Variants in PLPPR1 observed in about 807,000 individuals in gnomAD.
PLPPR1 encodes phospholipid phosphatase-related protein type 1.
Under a neutral mutation model 33.1 loss-of-function variants are expected in PLPPR1, and 10 were observed. The ratio of observed to expected loss-of-function variants is 0.30; its 90% CI spans 0.19 to 0.51. PLPPR1 has a LOEUF of 0.51. PLPPR1 is among the 20% of genes least tolerant of loss of function. The pLI is 0.97. For synonymous variants in PLPPR1, 151 were observed against 151.0 expected (o/e 1.00, Z 0.00); for missense variants, 304 against 408.1 (o/e 0.74, Z 2.20).
chr9:101,064,266 C>A (rs1370336148), intron 1 of PLPPR1, among the ~76,000 whole-genome samples: 1 of 152,026 alleles, frequency 6.6e-6, no homozygotes, highest in African/African-American at 2.4e-5. Flanking sequence ...AATTTTATCA[C>A]CTCATGGATT....
intron 1 of PLPPR1, chr9:101,125,842 T>C (rs1200133666): frequency 8.6e-6 from 5 of 580,490 alleles, no homozygotes; most frequent in African/African-American, 1.9e-5. Flanking sequence ...TTTCCACCAA[T>C]GTAGTAGGAG....
intron 4 of PLPPR1, among the ~76,000 whole-genome samples, chr9:101,295,781 C>T (rs1338244719): frequency 6.6e-6 from 1 of 152,078 alleles, no homozygotes; most frequent in Non-Finnish European, 1.5e-5. Flanking sequence ...CCCTTCCTTA[C>T]ACCTTATACG....
chr9:101,323,835 G>A (rs1046508774), intron 7 of PLPPR1, among the ~76,000 whole-genome samples, 190 bp from the exon 8 acceptor site: 15 of 152,000 alleles, frequency 9.9e-5, no homozygotes, highest in African/African-American at 2.4e-4. Flanking sequence ...GTGAAACTCC[G>A]TCTCAAAAAA....
At chr9:101,227,568 T>C (rs1274055007) in intron 2 of PLPPR1, among the ~76,000 whole-genome samples, 2 of 152,168 alleles carry the variant, frequency 1.3e-5, no homozygotes, top group South Asian at 4.1e-4. Context: ...TTGCAAAAAG[T>C]TTCTCCCATT....
chr9:101,062,973 T>A (rs1487604966), intron 1 of PLPPR1, among the ~76,000 whole-genome samples: 2 of 152,050 alleles, frequency 1.3e-5, no homozygotes, highest in African/African-American at 4.8e-5. Flanking sequence ...GGGAATGGGC[T>A]TGGCTTGATA....
intron 1 of PLPPR1, among the ~76,000 whole-genome samples, chr9:101,163,627 A>G (rs1825801915): frequency 6.6e-6 from 1 of 152,188 alleles, no homozygotes; most frequent in African/African-American, 2.4e-5. Context: ...GCTGAAGCAC[A>G]GGTTGTTTAA....
intron 2 of PLPPR1, among the ~76,000 whole-genome samples, chr9:101,209,538 A>C (rs1265034236): frequency 2.6e-5 from 4 of 152,196 alleles, no homozygotes; most frequent in Admixed American, 6.5e-5. Flanking sequence ...TTCCCTTTAT[A>C]AAGCCCCCTT....
rs529986355 is a variant in PLPPR1 at position 101,261,127 on chromosome 9, G to A, written c.64-8753G>A. On this transcript the variant is annotated intron_variant, in intron 2 of 7. Coordinates refer to ENST00000374874, the MANE Select transcript of PLPPR1 (RefSeq NM_207299.2). The stretch of plus-strand genomic sequence containing the variant: ...TCAGTGTAAAAAGAACAGTTAAATG[G>A]CTCCAGAGGTTCAGATTGAGGTAAC... Among the ~76,000 whole-genome samples the A allele has an allele frequency of 7.2e-5, 11 of 152,202 alleles. No homozygotes were observed. The South Asian group carries it at 2.3e-3, about 32-fold the overall frequency.
chr9:101,266,233 C>G lies in PLPPR1; in HGVS notation c.64-3647C>G, dbSNP rs529912379. Among the ~76,000 whole-genome samples the G allele has an allele frequency of 1.1e-3, 168 of 151,842 alleles. 1 individual carries two copies. Among genetic ancestry groups the G allele is most frequent in the African/African-American group, 3.8e-3 (156 of 41,410 alleles). Reference sequence around the variant, plus strand: ...CTCGAGGTCAAGAGTTTGAGACCAGCCTGGTCAACATGATGAAACCTTGTC... The same window carrying G: ...CTCGAGGTCAAGAGTTTGAGACCAGGCTGGTCAACATGATGAAACCTTGTC... On this transcript the variant is annotated intron_variant, in intron 2 of 7. Coordinates refer to ENST00000374874, the MANE Select transcript of PLPPR1 (RefSeq NM_207299.2).
chr9:101,252,076 A>G (rs998958513), intron 2 of PLPPR1, among the ~76,000 whole-genome samples: 1 of 152,170 alleles, frequency 6.6e-6, no homozygotes, highest in African/African-American at 2.4e-5. Flanking sequence ...CACTTCGTTC[A>G]TGGTATCACC....
At chr9:101,059,822 T>C (rs1830322652) in intron 1 of PLPPR1, among the ~76,000 whole-genome samples, 1 of 152,034 alleles carries the variant, frequency 6.6e-6, no homozygotes. Flanking sequence ...TAACGAGTGC[T>C]GGCATGGATG....
rs1826189657 is a variant in PLPPR1 at position 101,185,540 on chromosome 9, T to A, written c.46T>A (p.Cys16Ser). The part of the protein sequence containing the change: ...NTQRSYSIIP[C>S]FIFVELVIMA... ...TCAACGAAGTTATTCCATCATCCCG[T>A]GTTTTATATTTGTTGAGGTATGTGT... The change falls in exon 2 of 8, where the codon TGT becomes AGT. Residue 16 changes from cysteine to serine, a missense_variant. Physicochemically the swap from Cys to Ser is moderately radical, Grantham distance 112. Transcript: ENST00000374874. 1.9e-6 allele frequency: 3 copies of A among 1,608,382 alleles called. No individual in the cohort carries two copies. Among genetic ancestry groups the A allele is most frequent in the Non-Finnish European group, 2.6e-6 (3 of 1,176,134 alleles).
intron 1 of PLPPR1, among the ~76,000 whole-genome samples, chr9:101,134,248 T>C (rs2118618911): frequency 1.3e-5 from 2 of 152,308 alleles, no homozygotes; most frequent in East Asian, 1.9e-4. Flanking sequence ...TTAAGAATTA[T>C]AGAAAATATG....
intron 7 of PLPPR1, among the ~76,000 whole-genome samples, chr9:101,320,815 A>C (rs77724542): frequency 0.062 from 9,406 of 152,288 alleles, 359 homozygotes; most frequent in South Asian, 0.14. Flanking sequence ...TAGATGAAGA[A>C]AGTAAGGCAC....
intron 4 of PLPPR1, among the ~76,000 whole-genome samples, chr9:101,288,214 T>A (rs2118918718): frequency 6.6e-6 from 1 of 152,270 alleles, no homozygotes; most frequent in South Asian, 2.1e-4. Flanking sequence ...CTAGATTGTC[T>A]GTTGTGGTAT....
chr9:101,267,625 T>C (rs1828020700), intron 2 of PLPPR1, among the ~76,000 whole-genome samples: 1 of 152,144 alleles, frequency 6.6e-6, no homozygotes, highest in Non-Finnish European at 1.5e-5. Context: ...GAAGAGATGG[T>C]TTGTGGCCTA....
At chr9:101,173,282 G>T (rs1825970877) in intron 1 of PLPPR1, among the ~76,000 whole-genome samples, 1 of 152,068 alleles carries the variant, frequency 6.6e-6, no homozygotes, top group African/African-American at 2.4e-5. Context: ...TGAAATTGTT[G>T]TGAAGACTAA....
chr9:101,282,214 C>G (rs1391645828), intron 3 of PLPPR1, among the ~76,000 whole-genome samples: 1 of 152,120 alleles, frequency 6.6e-6, no homozygotes, highest in Non-Finnish European at 1.5e-5. Flanking sequence ...AGACCATTTA[C>G]CATGATCATG....
intron 2 of PLPPR1, among the ~76,000 whole-genome samples, chr9:101,204,636 A>C: frequency 6.6e-6 from 1 of 152,118 alleles, no homozygotes; most frequent in African/African-American, 2.4e-5. Flanking sequence ...ACCCCACTCC[A>C]AACTGGGTCT....
Sources: allele counts gnomAD v4.1 joint callset (sites outside exome capture counted in the v4.1 genomes callset), GRCh38; gene constraint gnomAD v4.1.1; transcripts MANE v1.5; gene names NCBI Gene and HGNC (gene_info 2026-07-23, HGNC 2026-07-21).